Variants in NLGN1 observed in about 807,000 individuals in gnomAD.
NLGN1 encodes the protein neuroligin-1.
NLGN1 carries 12 observed loss-of-function variants against 65.5 expected under a neutral mutation model. The ratio of observed to expected loss-of-function variants is 0.18; its 90% CI spans 0.12 to 0.30. The LOEUF (loss-of-function observed/expected upper bound fraction) is 0.30. NLGN1 is among the 10% of genes least tolerant of loss of function. The pLI is 1.00. For synonymous variants in NLGN1, 350 were observed against 359.5 expected, an observed-to-expected ratio of 0.97 and a Z score of 0.30; for missense variants, 750 against 1,007.1, an observed-to-expected ratio of 0.74 and a Z score of 3.46.
intron 4 of NLGN1, among the ~76,000 whole-genome samples, chr3:174,269,752 G>C (rs937677386): frequency 6.6e-6 from 1 of 151,736 alleles, no homozygotes; most frequent in Admixed American, 6.6e-5. Context: ...TTAATTTTTT[G>C]AGGAATCTCC....
chr3:173,839,414 T>C (rs1724327576), intron 4 of NLGN1, among the ~76,000 whole-genome samples: 1 of 151,064 alleles, frequency 6.6e-6, no homozygotes. Flanking sequence ...TGTTTTTTTG[T>C]TTGTTTTGTT....
chr3:173,891,465 G>C (rs570962912), intron 4 of NLGN1, among the ~76,000 whole-genome samples: 1 of 152,282 alleles, frequency 6.6e-6, no homozygotes, highest in Non-Finnish European at 1.5e-5. Context: ...TCCTAAAATA[G>C]TTCCTCTTTT....
At position 173,804,746 on chromosome 3, in the gene NLGN1, G is replaced by T. The variant is rs150896270; in HGVS notation, c.494-2934G>T. 3.3e-5 allele frequency among the ~76,000 whole-genome samples: 5 copies of T among 152,012 alleles called. No individual in the cohort carries two copies. In the East Asian group the frequency reaches 7.7e-4, roughly 24 times the overall value. ...AAAACATTATACAAAGTAAAGCCTG[G>T]CCAGGCATGGTGGCTCACACCTGTA... On this transcript the variant is annotated intron_variant, in intron 3 of 6. Coordinates refer to ENST00000457714, the Ensembl canonical transcript of NLGN1.
At chr3:173,396,030 CGT>C (rs561654191), upstream of NLGN1, among the ~76,000 whole-genome samples, 2 of 151,828 alleles carry the variant, frequency 1.3e-5, no homozygotes, top group Non-Finnish European at 2.9e-5. Flanking sequence ...CGCGCGTGTA[CGT>C]GTGTGTGTGC....
intron 4 of NLGN1, among the ~76,000 whole-genome samples, chr3:174,143,660 T>G (rs961842669): frequency 6.6e-6 from 1 of 152,162 alleles, no homozygotes. Context: ...CTCCCCACAA[T>G]GCACTCTTTG....
intron 4 of NLGN1, among the ~76,000 whole-genome samples, chr3:173,943,239 T>A (rs13074462): frequency 0.33 from 49,681 of 150,478 alleles, 8,958 homozygotes; most frequent in African/African-American, 0.48. Context: ...CAAAAAAAAA[T>A]AATGAAGGGT....
intron 3 of NLGN1, among the ~76,000 whole-genome samples, chr3:173,806,418 TAA>T (rs1456746746): frequency 6.6e-6 from 1 of 152,112 alleles, no homozygotes; most frequent in African/African-American, 2.4e-5. Flanking sequence ...GTTGGAGAGT[TAA>T]AAGTGATAAA....
intron 2 of NLGN1, among the ~76,000 whole-genome samples, chr3:173,480,524 T>C (rs564039485): frequency 3.0e-4 from 45 of 152,252 alleles, no homozygotes; most frequent in African/African-American, 1.0e-3. Context: ...ATGTTACTCA[T>C]GGGGTCTGGA....
intron 2 of NLGN1, among the ~76,000 whole-genome samples, chr3:173,451,246 TGTCC>T (rs1389856698): frequency 5.3e-5 from 8 of 152,190 alleles, no homozygotes; most frequent in African/African-American, 1.9e-4. Flanking sequence ...TTGGTGTGGA[TGTCC>T]TTTCTGTTTG....
At chr3:173,647,609 A>C (rs999536401) in intron 3 of NLGN1, among the ~76,000 whole-genome samples, 1 of 152,180 alleles carries the variant, frequency 6.6e-6, no homozygotes, top group Non-Finnish European at 1.5e-5. Flanking sequence ...AGAATAAAAA[A>C]ATGGAAAATA....
At chr3:173,422,085 A>G (rs76054434) in intron 1 of NLGN1, among the ~76,000 whole-genome samples, 20 of 144,346 alleles carry the variant, frequency 1.4e-4, no homozygotes, top group Admixed American at 7.0e-5. Context: ...TGATATATAT[A>G]TGTGTGTATA....
intron 4 of NLGN1, among the ~76,000 whole-genome samples, chr3:174,014,733 C>G (rs1726210407): frequency 6.6e-6 from 1 of 152,078 alleles, no homozygotes; most frequent in African/African-American, 2.4e-5. Context: ...GCATTATGTT[C>G]CAGAGCAAGT....
intron 4 of NLGN1, among the ~76,000 whole-genome samples, chr3:173,866,829 G>T (rs1032917355): frequency 6.6e-6 from 1 of 152,112 alleles, no homozygotes; most frequent in East Asian, 1.9e-4. Context: ...ACCCTTTTGG[G>T]AATGGTCATC....
chr3:174,138,901 A>C (rs1341318176), intron 4 of NLGN1, among the ~76,000 whole-genome samples: 1 of 152,184 alleles, frequency 6.6e-6, no homozygotes, highest in Non-Finnish European at 1.5e-5. Context: ...AAAAAAATTA[A>C]ATTATCTGGT....
At chr3:174,031,775 T>G (rs1730085522) in intron 4 of NLGN1, among the ~76,000 whole-genome samples, 2 of 152,022 alleles carry the variant, frequency 1.3e-5, no homozygotes, top group Non-Finnish European at 2.9e-5. Context: ...ATAATTAACT[T>G]AAGAAACTTT....
intron 4 of NLGN1, chr3:173,915,014 A>G: frequency 6.6e-6 from 1 of 152,212 alleles, no homozygotes; most frequent in East Asian, 1.9e-4. Flanking sequence ...AGCATTAATT[A>G]TGACAATGTT....
At chr3:174,044,346 G>A (rs969880436) in intron 4 of NLGN1, among the ~76,000 whole-genome samples, 8 of 152,128 alleles carry the variant, frequency 5.3e-5, no homozygotes, top group Non-Finnish European at 1.2e-4. Flanking sequence ...CAGAAAATTG[G>A]TTTTTCTTTT....
intron 2 of NLGN1, among the ~76,000 whole-genome samples, chr3:173,592,565 C>A (rs572943281): frequency 6.6e-6 from 1 of 152,228 alleles, no homozygotes; most frequent in African/African-American, 2.4e-5. Flanking sequence ...TATGTTTCGT[C>A]CCCCCTGGCT....
At chr3:173,630,683 T>C (rs1755548987) in intron 3 of NLGN1, among the ~76,000 whole-genome samples, 2 of 152,164 alleles carry the variant, frequency 1.3e-5, no homozygotes, top group Admixed American at 6.6e-5. Flanking sequence ...CTATTTATTA[T>C]CTCTTCAATG....
Sources: allele counts gnomAD v4.1 joint callset (sites outside exome capture counted in the v4.1 genomes callset), GRCh38; gene constraint gnomAD v4.1.1; transcripts MANE v1.5; gene names NCBI Gene and HGNC (gene_info 2026-07-23, HGNC 2026-07-21).